The following AUTS2 variants were observed in gnomAD, a reference collection of about 807,000 sequenced individuals.
AUTS2 encodes activator of transcription and developmental regulator AUTS2.
AUTS2 carries 17 observed loss-of-function variants against 112.4 expected under a neutral mutation model. That is an observed-to-expected ratio of 0.15 (90% confidence interval 0.10 to 0.23). The LOEUF (loss-of-function observed/expected upper bound fraction) is 0.23. Among genes scored for constraint, AUTS2 ranks in the 10% least tolerant of loss-of-function variants. AUTS2 has a pLI of 1.00. For missense variants in AUTS2, 1,510 were observed against 1,701.6 expected (o/e 0.89, Z 1.98); for synonymous variants, 751 against 702.7 (o/e 1.07, Z -1.09).
chr7:70,503,493 G>A (rs1306433969), intron 5 of AUTS2, among the ~76,000 whole-genome samples: 1 of 150,288 alleles, frequency 6.7e-6, no homozygotes, highest in Non-Finnish European at 1.5e-5. Flanking sequence ...AACATCCTGG[G>A]AACAGAGCAA....
At chr7:69,680,104 A>T (rs1379451888) in intron 1 of AUTS2, among the ~76,000 whole-genome samples, 1 of 152,210 alleles carries the variant, frequency 6.6e-6, no homozygotes, top group Non-Finnish European at 1.5e-5. Flanking sequence ...ATTTAATGGC[A>T]CGTGTATGTT....
intron 1 of AUTS2, among the ~76,000 whole-genome samples, chr7:69,659,480 A>T (rs528074130): frequency 7.0e-6 from 1 of 143,410 alleles, no homozygotes. Context: ...AAACGCCGCT[A>T]TACCTACTAA....
At chr7:70,160,578 G>A (rs1204662093) in intron 4 of AUTS2, among the ~76,000 whole-genome samples, 1 of 152,160 alleles carries the variant, frequency 6.6e-6, no homozygotes, top group Non-Finnish European at 1.5e-5. Flanking sequence ...TTAACAAAGA[G>A]TTCTTTCTTT....
chr7:70,120,047 CTTT>C (rs35473129), intron 3 of AUTS2: 1 of 151,770 alleles, frequency 6.6e-6, no homozygotes, highest in Non-Finnish European at 1.5e-5. Context: ...ATACTCAAAA[CTTT>C]TTTTTACTGA....
intron 5 of AUTS2, among the ~76,000 whole-genome samples, chr7:70,597,519 C>A (rs923552428): frequency 6.6e-6 from 1 of 152,118 alleles, no homozygotes; most frequent in African/African-American, 2.4e-5. Context: ...TACTCAAATT[C>A]AAAGCAGAGT....
At chr7:70,560,399 C>G (rs1801433741) in intron 5 of AUTS2, among the ~76,000 whole-genome samples, 1 of 152,154 alleles carries the variant, frequency 6.6e-6, no homozygotes, top group South Asian at 2.1e-4. Context: ...ATATTCGCTG[C>G]TATATCTGAT....
intron 5 of AUTS2, among the ~76,000 whole-genome samples, chr7:70,531,221 A>G (rs4404815): frequency 0.13 from 10,326 of 77,416 alleles, 684 homozygotes; most frequent in African/African-American, 0.36. Context: ...GTATATGCAC[A>G]TTTCATGGTA....
intron 4 of AUTS2, among the ~76,000 whole-genome samples, chr7:70,412,919 G>T (rs769358387): frequency 4.6e-4 from 70 of 152,264 alleles, no homozygotes; most frequent in Admixed American, 8.5e-4. Flanking sequence ...TGAACCCGGG[G>T]GTCAGAGGTC....
At chr7:69,851,566 A>G (rs1004646499) in intron 1 of AUTS2, among the ~76,000 whole-genome samples, 3 of 152,218 alleles carry the variant, frequency 2.0e-5, no homozygotes, top group South Asian at 2.1e-4. Flanking sequence ...TGAAATCTGC[A>G]TATCAATTTT....
intron 4 of AUTS2, among the ~76,000 whole-genome samples, chr7:70,195,406 GGAGGCT>G (rs1185337958): frequency 2.0e-5 from 3 of 152,136 alleles, no homozygotes; most frequent in Non-Finnish European, 2.9e-5. Flanking sequence ...CAGCACTTTG[GGAGGCT>G]GAGGTGGGCA....
chr7:69,871,901 C>T (rs58974518), intron 1 of AUTS2, among the ~76,000 whole-genome samples: 12,362 of 152,150 alleles, frequency 0.081, 598 homozygotes, highest in East Asian at 0.13. Context: ...ATAAGGGGGA[C>T]TGCTGTACTC....
chr7:70,092,184 G>A (rs1803956786), intron 2 of AUTS2, among the ~76,000 whole-genome samples: 1 of 151,950 alleles, frequency 6.6e-6, no homozygotes, highest in Admixed American at 6.6e-5. Flanking sequence ...AACCAGCTTT[G>A]ACAGATGAAA....
At chr7:70,412,605 G>C (rs994898534) in intron 4 of AUTS2, among the ~76,000 whole-genome samples, 1 of 152,202 alleles carries the variant, frequency 6.6e-6, no homozygotes, top group African/African-American at 2.4e-5. Context: ...GTGGGTGTTT[G>C]AAATCATTCT....
chr7:70,651,141 T>TC (rs1425812722), intron 5 of AUTS2, among the ~76,000 whole-genome samples: 1 of 152,252 alleles, frequency 6.6e-6, no homozygotes, highest in Non-Finnish European at 1.5e-5. Flanking sequence ...TATTTCATCC[T>TC]CACAAAAGCT....
intron 4 of AUTS2, among the ~76,000 whole-genome samples, chr7:70,425,874 C>G (rs1795414846): frequency 6.6e-6 from 1 of 152,194 alleles, no homozygotes; most frequent in Admixed American, 6.5e-5. Flanking sequence ...TTTCTAACAT[C>G]TATTGATTGC....
chr7:70,414,132 G>A (rs1794895581), intron 4 of AUTS2, among the ~76,000 whole-genome samples: 1 of 152,188 alleles, frequency 6.6e-6, no homozygotes, highest in Admixed American at 6.5e-5. Context: ...CTACCTTGTA[G>A]GGTTAAAGGT....
intron 5 of AUTS2, among the ~76,000 whole-genome samples, chr7:70,647,202 A>C (rs1297599701): frequency 6.6e-6 from 1 of 152,202 alleles, no homozygotes; most frequent in Admixed American, 6.5e-5. Flanking sequence ...ATCTGTGCCC[A>C]TTCCACGTTT....
chr7:70,688,231 C>A (rs1808566377), intron 5 of AUTS2, among the ~76,000 whole-genome samples: 1 of 152,208 alleles, frequency 6.6e-6, no homozygotes, highest in African/African-American at 2.4e-5. Context: ...TCATTCCTCT[C>A]ATCATGGGTA....
intron 1 of AUTS2, among the ~76,000 whole-genome samples, chr7:69,649,790 G>C (rs747503874): frequency 6.6e-6 from 1 of 152,178 alleles, no homozygotes; most frequent in South Asian, 2.1e-4. Context: ...ATATAAGGAG[G>C]CGAATCTAAC....
Sources: allele counts gnomAD v4.1 joint callset (sites outside exome capture counted in the v4.1 genomes callset), GRCh38; gene constraint gnomAD v4.1.1; transcripts MANE v1.5; gene names NCBI Gene and HGNC (gene_info 2026-07-23, HGNC 2026-07-21).